The following FOCAD variants were observed in gnomAD, a reference collection of about 807,000 sequenced individuals.
FOCAD encodes focadhesin.
Under a neutral mutation model 225.6 loss-of-function variants are expected in FOCAD, and 198 were observed. That is an observed-to-expected ratio of 0.88 (90% CI 0.78 to 0.99). FOCAD has a LOEUF of 0.99. FOCAD is among the 50% of genes least tolerant of loss of function. The pLI, the probability that FOCAD is intolerant of heterozygous loss-of-function variation, is 0.00. For synonymous variants in FOCAD, 897 were observed against 755.0 expected, an observed-to-expected ratio of 1.19 and a Z score of -3.08; for missense variants, 2,713 against 2,123.6, an observed-to-expected ratio of 1.28 and a Z score of -5.46.
intron 21 of FOCAD, among the ~76,000 whole-genome samples, chr9:20,890,417 G>A (rs1831514245): frequency 6.8e-6 from 1 of 147,838 alleles, no homozygotes; most frequent in South Asian, 2.2e-4. Flanking sequence ...TTTGTAAAAT[G>A]CTTTTTCTGT....
chr9:20,929,539 T>G lies in FOCAD; in HGVS notation c.3260T>G (p.Ile1087Ser), dbSNP rs375267140. ...GCTGATGAGTCTCAAGCCGTGCAAA[T>G]CCACATGGGCCTTGCTTTAGGGATG... ...PSADESQAVQ[I>S]HMGLALGMFL... is the part of the protein sequence containing the mutation. Residue 1087 changes from isoleucine to serine, a missense_variant, in exon 27 of 44, where the codon ATC becomes AGC. By Grantham distance (142) the Ile-to-Ser change is moderately radical. Coordinates refer to ENST00000338382, the MANE Select transcript of FOCAD (RefSeq NM_001375567.1). The G allele has an allele frequency of 2.5e-6, 4 of 1,614,164 alleles. No homozygotes were observed. Among genetic ancestry groups the G allele is most frequent in the Non-Finnish European group, 8.5e-7 (1 of 1,180,016 alleles).
At chr9:20,932,785 G>T (rs1005618098) in intron 27 of FOCAD, among the ~76,000 whole-genome samples, 5 of 152,050 alleles carry the variant, frequency 3.3e-5, no homozygotes, top group Admixed American at 2.6e-4. Context: ...TGTGTTTATT[G>T]GTTTGCAAGT....
intron 15 of FOCAD, among the ~76,000 whole-genome samples, chr9:20,854,099 A>G (rs988864298): frequency 1.3e-5 from 2 of 151,774 alleles, no homozygotes; most frequent in Non-Finnish European, 3.0e-5. Flanking sequence ...CAGTTTTCAT[A>G]GCCTAAAGGT....
At chr9:20,778,815 G>A (rs757968718) in intron 9 of FOCAD, 47 bp downstream of exon 9, 96 of 1,064,260 alleles carry the variant, frequency 9.0e-5, no homozygotes, top group Non-Finnish European at 1.3e-4. Context: ...TATAACATGA[G>A]TATTGACAGG....
intron 5 of FOCAD, among the ~76,000 whole-genome samples, chr9:20,745,458 G>T (rs965587512): frequency 6.6e-6 from 1 of 152,100 alleles, no homozygotes; most frequent in Non-Finnish European, 1.5e-5. Context: ...CTAGTGTTTT[G>T]GTTGCAGGGA....
At chr9:20,767,753 A>C (rs1234288949) in intron 7 of FOCAD, among the ~76,000 whole-genome samples, 1 of 146,074 alleles carries the variant, frequency 6.8e-6, no homozygotes, top group Non-Finnish European at 1.5e-5. Context: ...AGGTTGCGAA[A>C]ATTTTCTCCC....
At chr9:20,703,289 T>C (rs10964666) in intron 1 of FOCAD, among the ~76,000 whole-genome samples, 39,893 of 151,812 alleles carry the variant, frequency 0.26, 6,333 homozygotes, top group Non-Finnish European at 0.34. Flanking sequence ...CTGAGGGGCC[T>C]GAGAGTTCTA....
intron 4 of FOCAD, among the ~76,000 whole-genome samples, chr9:20,735,485 C>T (rs1003769831): frequency 2.7e-5 from 4 of 150,940 alleles, no homozygotes; most frequent in South Asian, 2.1e-4. Flanking sequence ...TCCTTCCTTC[C>T]GCCTCCCCTC....
At chr9:20,909,742 A>C (rs561886059) in intron 22 of FOCAD, among the ~76,000 whole-genome samples, 162 of 152,246 alleles carry the variant, frequency 1.1e-3, no homozygotes, top group African/African-American at 3.7e-3. Context: ...ACACTGATGC[A>C]TTTATGCTTA....
Position 20,923,754 on chromosome 9 carries a change from G to T in FOCAD, c.2947G>T (p.Asp983Tyr), listed in dbSNP as rs758748863. ...RHEASLSSDS[D>Y]GLLEVQPNFL... is the part of the protein sequence containing the mutation. ...TGAAGCCAGCCTCTCCTCAGACTCT[G>T]ACGGGCTCCTGGAGGTTAGTTGGGG... Residue 983 changes from aspartate (D) to tyrosine (Y), a missense_variant, in exon 25 of 44, where the codon GAC becomes TAC. By Grantham distance (160) the Asp-to-Tyr change is radical (BLOSUM62 -3). Coordinates refer to ENST00000338382, the MANE Select transcript of FOCAD (RefSeq NM_001375567.1). The T allele has an allele frequency of 1.7e-5, 27 of 1,613,678 alleles. No homozygotes were observed. Among genetic ancestry groups the T allele is most frequent in the Non-Finnish European group, 2.2e-5 (26 of 1,179,682 alleles).
At chr9:20,656,797 T>C (rs893891420), upstream of FOCAD, among the ~76,000 whole-genome samples, 1 of 152,242 alleles carries the variant, frequency 6.6e-6, no homozygotes, top group African/African-American at 2.4e-5. Flanking sequence ...AATAGCGTTA[T>C]GTGTGAATTT....
intron 35 of FOCAD, among the ~76,000 whole-genome samples, chr9:20,957,870 A>C (rs1047388559): frequency 6.6e-6 from 1 of 151,714 alleles, no homozygotes; most frequent in Non-Finnish European, 1.5e-5. Flanking sequence ...CCTTCAGATA[A>C]ATTCTCAGTA....
intron 5 of FOCAD, among the ~76,000 whole-genome samples, chr9:20,754,808 G>A (rs547213767): frequency 3.3e-5 from 5 of 152,226 alleles, no homozygotes; most frequent in African/African-American, 9.6e-5. Flanking sequence ...GAGTTATGTG[G>A]CCCAAAATGT....
chr9:20,860,240 A>G (rs1000293876), intron 15 of FOCAD, among the ~76,000 whole-genome samples: 4 of 152,106 alleles, frequency 2.6e-5, no homozygotes, highest in Non-Finnish European at 4.4e-5. Context: ...GTGTTTAAAA[A>G]TGTCCTTTTT....
chr9:20,700,722 A>G (rs767264609), intron 1 of FOCAD, among the ~76,000 whole-genome samples: 2 of 152,226 alleles, frequency 1.3e-5, no homozygotes, highest in Admixed American at 6.5e-5. Flanking sequence ...AATGAAAAAG[A>G]TATAGATTCC....
chr9:20,689,410 A>G (rs1414581883), intron 1 of FOCAD, among the ~76,000 whole-genome samples: 1 of 143,350 alleles, frequency 7.0e-6, no homozygotes, highest in Non-Finnish European at 1.5e-5. Flanking sequence ...TATAGATGAG[A>G]GATGAAGATA....
At position 20,981,695 on chromosome 9, in the gene FOCAD, C is replaced by T; in HGVS notation, c.4638+9C>T. On this transcript the variant is annotated intron_variant, in intron 38 of 43. Coordinates refer to ENST00000338382, the MANE Select transcript of FOCAD (RefSeq NM_001375567.1). ...TGCCAAATAAGATTCGGGTGAGGAA[C>T]AAAAATATTTACATTCCTGACAATT... 2 of 1,596,800 alleles carry T rather than the reference C, an allele frequency of 1.3e-6. No individual in the cohort carries two copies. The highest frequency in any genetic ancestry group is 1.7e-6 in the Non-Finnish European group (2 of 1,171,870).
In FOCAD at chr9:20,990,384, G is replaced by T; in HGVS notation, c.5256+10G>T. On this transcript the variant is annotated intron_variant, in intron 42 of 43. Coordinates refer to ENST00000338382, the MANE Select transcript of FOCAD (RefSeq NM_001375567.1). ...GGAACAGACCCAGAAGGTGAGGCTG[G>T]CAGCCACCTGCTTAGCAGGGCAGGC... 6.2e-7 allele frequency: 1 copy of T among 1,612,046 alleles called. No homozygotes were observed. The highest frequency in any genetic ancestry group is 8.5e-7 in the Non-Finnish European group (1 of 1,179,376).
At chr9:20,872,841 A>G (rs1829912838) in intron 18 of FOCAD, 1 of 152,052 alleles carries the variant, frequency 6.6e-6, no homozygotes, top group Non-Finnish European at 1.5e-5. Context: ...CCAAGACCTA[A>G]GCAACCACTA....
Sources: gnomAD v4.1 joint callset for allele counts (sites outside exome capture counted in the v4.1 genomes callset) on GRCh38, gnomAD v4.1.1 for gene constraint, MANE v1.5 for transcripts, NCBI Gene and HGNC (gene_info 2026-07-23, HGNC 2026-07-21) for gene names.